The following LRP1B variants were observed in gnomAD, a reference collection of about 807,000 sequenced individuals.
LRP1B encodes low-density lipoprotein receptor-related protein 1B.
A neutral mutation model predicts 556.6 loss-of-function variants in LRP1B; 217 were observed. The ratio of observed to expected loss-of-function variants is 0.39; its 90% CI spans 0.35 to 0.44. The LOEUF (loss-of-function observed/expected upper bound fraction) is 0.44, where lower values mean the gene tolerates loss of function less well. Among genes scored for constraint, LRP1B ranks in the 20% least tolerant of loss-of-function variants. The pLI is 1.00. For missense variants in LRP1B, 5,053 were observed against 5,620.8 expected (o/e 0.90, Z 3.23); for synonymous variants, 2,047 against 1,865.8 (o/e 1.10, Z -2.50).
At chr2:141,620,430 A>G (rs1349481680) in intron 2 of LRP1B, among the ~76,000 whole-genome samples, 2 of 152,238 alleles carry the variant, frequency 1.3e-5, no homozygotes, top group Non-Finnish European at 2.9e-5. Flanking sequence ...CTCTCAAAAA[A>G]TAATCATTTT....
chr2:141,158,500 T>TCTA (rs1702123244), intron 7 of LRP1B, among the ~76,000 whole-genome samples: 1 of 152,082 alleles, frequency 6.6e-6, no homozygotes, highest in Non-Finnish European at 1.5e-5. Flanking sequence ...CTCTCCTGAG[T>TCTA]CTATGCTCAC....
rs747870984 is a variant in LRP1B at position 140,356,430 on chromosome 2, A to T, written c.11442T>A (p.Asp3814Glu). The stretch of plus-strand genomic sequence containing the variant: ...TTTTTATTTGATTACAATATGCATC[A>T]TCTCCACATGGATTCACATTATCTT... Reference protein sequence around the residue: ...TCEDNVNPCGDDAYCNQIKTS... With the variant: ...TCEDNVNPCGEDAYCNQIKTS... The change falls in exon 75 of 91, where the codon GAT becomes GAA. Residue 3814 changes from aspartate to glutamate, a missense_variant. Asp to Glu is a conservative substitution (Grantham distance 45). Around this residue, in one of 5 missense-constraint regions of LRP1B, gnomAD observed 599 missense variants for 648.4 expected, o/e 0.92. Transcript: ENST00000389484. 2 of 1,608,246 alleles carry T rather than the reference A, an allele frequency of 1.2e-6. No individual in the cohort carries two copies. Among genetic ancestry groups the T allele is most frequent in the East Asian group, 4.5e-5 (2 of 44,652 alleles).
intron 1 of LRP1B, among the ~76,000 whole-genome samples, chr2:142,023,212 ATT>A (rs1350819745): frequency 5.3e-5 from 8 of 152,056 alleles, no homozygotes. Context: ...CCTTGCCCAA[ATT>A]TTCTTATTCT....
chr2:141,096,363 G>A (rs1006044086), intron 7 of LRP1B, among the ~76,000 whole-genome samples: 34 of 152,166 alleles, frequency 2.2e-4, no homozygotes, highest in African/African-American at 7.7e-4. Context: ...TGAAGCAGGA[G>A]GATCACTGGC....
chr2:141,484,939 A>G (rs1231274164), intron 2 of LRP1B, among the ~76,000 whole-genome samples: 2 of 152,130 alleles, frequency 1.3e-5, no homozygotes, highest in Non-Finnish European at 2.9e-5. Flanking sequence ...GGCTCAAATC[A>G]AAGTTTGATT....
chr2:141,080,092 A>G (rs1699887648), intron 7 of LRP1B, among the ~76,000 whole-genome samples: 1 of 152,240 alleles, frequency 6.6e-6, no homozygotes, highest in Non-Finnish European at 1.5e-5. Context: ...TGGAATCATG[A>G]TCAGCTCACA....
intron 43 of LRP1B, among the ~76,000 whole-genome samples, chr2:140,596,905 A>C (rs1208314596): frequency 6.6e-6 from 1 of 152,190 alleles, no homozygotes; most frequent in African/African-American, 2.4e-5. Flanking sequence ...TATCTAGAAC[A>C]CAATTAGCAA....
chr2:140,989,999 A>T (rs1256199581), intron 16 of LRP1B, among the ~76,000 whole-genome samples: 1 of 152,058 alleles, frequency 6.6e-6, no homozygotes, highest in Non-Finnish European at 1.5e-5. Flanking sequence ...TGGGGTCAGG[A>T]GTTTGAGACC....
intron 60 of LRP1B, among the ~76,000 whole-genome samples, chr2:140,474,445 A>G (rs1687887706): frequency 6.6e-6 from 1 of 151,872 alleles, no homozygotes; most frequent in Non-Finnish European, 1.5e-5. Flanking sequence ...CTCTTATTTT[A>G]AGTGATGTTT....
intron 3 of LRP1B, among the ~76,000 whole-genome samples, chr2:141,314,120 A>G (rs1686909306): frequency 6.6e-6 from 1 of 152,158 alleles, no homozygotes; most frequent in African/African-American, 2.4e-5. Context: ...CTGGACAGTG[A>G]TGATGATCTA....
chr2:141,292,874 T>C (rs1686030661), intron 3 of LRP1B, among the ~76,000 whole-genome samples: 1 of 152,128 alleles, frequency 6.6e-6, no homozygotes, highest in Non-Finnish European at 1.5e-5. Flanking sequence ...AGGTAAAAAC[T>C]AAGGAAATCT....
intron 18 of LRP1B, among the ~76,000 whole-genome samples, chr2:140,981,397 T>G (rs1696765788): frequency 6.6e-6 from 1 of 152,108 alleles, no homozygotes; most frequent in Non-Finnish European, 1.5e-5. Flanking sequence ...TGGGTAAAGT[T>G]TTCCCATAGA....
intron 43 of LRP1B, among the ~76,000 whole-genome samples, chr2:140,548,472 C>A (rs1399326923): frequency 6.6e-6 from 1 of 152,122 alleles, no homozygotes; most frequent in Non-Finnish European, 1.5e-5. Context: ...CATATCCCAA[C>A]CCCCTCCTTT....
At chr2:141,819,425 G>A (rs375726355) in intron 1 of LRP1B, among the ~76,000 whole-genome samples, 2 of 152,106 alleles carry the variant, frequency 1.3e-5, no homozygotes, top group South Asian at 2.1e-4. Flanking sequence ...AAGACTTCAC[G>A]TTTGCAATAA....
chr2:140,995,876 T>C (rs1037447513), intron 15 of LRP1B, among the ~76,000 whole-genome samples: 20 of 152,072 alleles, frequency 1.3e-4, no homozygotes, highest in African/African-American at 4.6e-4. Context: ...TATTCTCCTG[T>C]ATCTAAGTGA....
At chr2:141,605,180 C>T (rs1280516713) in intron 2 of LRP1B, among the ~76,000 whole-genome samples, 1 of 152,022 alleles carries the variant, frequency 6.6e-6, no homozygotes, top group African/African-American at 2.4e-5. Context: ...GGCCCACAAG[C>T]AAATCCAGTC....
At chr2:142,105,144 T>G (rs1706701607) in intron 1 of LRP1B, among the ~76,000 whole-genome samples, 1 of 152,136 alleles carries the variant, frequency 6.6e-6, no homozygotes, top group South Asian at 2.1e-4. Context: ...CAAACCTGAA[T>G]GGAGGTGAAA....
intron 41 of LRP1B, among the ~76,000 whole-genome samples, chr2:140,638,838 T>C (rs543509181): frequency 6.6e-4 from 100 of 151,764 alleles, no homozygotes; most frequent in African/African-American, 2.2e-3. Context: ...TATATATGTG[T>C]ATATATGAAC....
chr2:141,261,309 C>T (rs1357968552), intron 3 of LRP1B, among the ~76,000 whole-genome samples: 1 of 152,166 alleles, frequency 6.6e-6, no homozygotes, highest in Non-Finnish European at 1.5e-5. Flanking sequence ...GAAGATAGAG[C>T]AGCGAGGCAA....
Sources: allele counts gnomAD v4.1 joint callset (sites outside exome capture counted in the v4.1 genomes callset), GRCh38; gene constraint gnomAD v4.1.1; regional missense constraint gnomAD v4.1.1; transcripts MANE v1.5; gene names NCBI Gene and HGNC (gene_info 2026-07-23, HGNC 2026-07-21).